The following MTA3 variants were observed in gnomAD, a reference collection of about 807,000 sequenced individuals.
MTA3 encodes the protein metastasis associated 1 family member 3, also known as metastasis-associated protein MTA3.
Under a neutral mutation model 83.5 loss-of-function variants are expected in MTA3, and 34 were observed. The ratio of observed to expected loss-of-function variants is 0.41; its 90% CI spans 0.31 to 0.54. The LOEUF (loss-of-function observed/expected upper bound fraction) is 0.54, where lower values mean the gene tolerates loss of function less well. MTA3 is among the 20% of genes least tolerant of loss of function. The pLI, the probability that MTA3 is intolerant of heterozygous loss-of-function variation, is 0.33. For missense variants in MTA3, 761 were observed against 726.4 expected (o/e 1.05, Z -0.55); for synonymous variants, 303 against 252.7 (o/e 1.20, Z -1.89).
chr2:42,618,034 T>C (rs1685117442), intron 4 of MTA3, among the ~76,000 whole-genome samples: 1 of 151,998 alleles, frequency 6.6e-6, no homozygotes, highest in African/African-American at 2.4e-5. Context: ...AGCCTCAAAC[T>C]TCTGGGCTCA....
intron 3 of MTA3, among the ~76,000 whole-genome samples, chr2:42,605,907 A>T (rs1173833530): frequency 1.4e-5 from 1 of 70,898 alleles, no homozygotes; most frequent in African/African-American, 6.0e-5. Flanking sequence ...ACTTCCCAGT[A>T]GGGGCGGCCG....
At chr2:42,708,804 C>G in intron 13 of MTA3, 70 bp from the exon 14 acceptor site, 2 of 1,515,822 alleles carry the variant, frequency 1.3e-6, no homozygotes, top group Non-Finnish European at 1.8e-6. Flanking sequence ...TTCTTTTGAG[C>G]ATGATGCAAA....
At chr2:42,690,856 T>A (rs1692823361) in intron 9 of MTA3, among the ~76,000 whole-genome samples, 1 of 136,110 alleles carries the variant, frequency 7.3e-6, no homozygotes. Context: ...TGTATTTTTA[T>A]TTTATTTATT....
chr2:42,734,884 C>G (rs1345395530), intron 16 of MTA3, among the ~76,000 whole-genome samples: 2 of 152,098 alleles, frequency 1.3e-5, no homozygotes, highest in Non-Finnish European at 2.9e-5. Context: ...CGCTTTTTAA[C>G]TTTTTGTTGT....
intron 3 of MTA3, among the ~76,000 whole-genome samples, chr2:42,597,065 C>A (rs539505578): frequency 6.6e-6 from 1 of 151,454 alleles, no homozygotes; most frequent in African/African-American, 2.4e-5. Flanking sequence ...CTGCATTGCC[C>A]GGTGAATAAT....
At chr2:42,710,925 A>G (rs2104513519) in intron 14 of MTA3, among the ~76,000 whole-genome samples, 1 of 152,136 alleles carries the variant, frequency 6.6e-6, no homozygotes. Context: ...CTAAAAATTC[A>G]AAAATTAGCC....
intron 2 of MTA3, among the ~76,000 whole-genome samples, chr2:42,515,663 C>G (rs369819505): frequency 4.6e-5 from 7 of 151,012 alleles, no homozygotes; most frequent in Non-Finnish European, 1.0e-4. Flanking sequence ...CCACCTCGCT[C>G]GGCTAATTTT....
intron 2 of MTA3, among the ~76,000 whole-genome samples, chr2:42,551,381 G>T (rs909486437): frequency 3.8e-4 from 58 of 151,988 alleles, no homozygotes; most frequent in Non-Finnish European, 4.7e-4. Context: ...AGTAGAAATG[G>T]GGTTTCACCA....
At chr2:42,718,081 A>G (rs1284399172) in intron 14 of MTA3, among the ~76,000 whole-genome samples, 2 of 135,942 alleles carry the variant, frequency 1.5e-5, no homozygotes, top group Admixed American at 7.5e-5. Flanking sequence ...TGTTTTCCAT[A>G]TTACTCTGGT....
chr2:42,513,812 G>A (rs1055523131), intron 2 of MTA3, among the ~76,000 whole-genome samples: 2 of 152,188 alleles, frequency 1.3e-5, no homozygotes, highest in East Asian at 1.9e-4. Context: ...AGGGGCAAAC[G>A]GGCTTACACC....
chr2:42,546,663 A>G (rs1458015880), intron 2 of MTA3, among the ~76,000 whole-genome samples: 1 of 152,202 alleles, frequency 6.6e-6, no homozygotes, highest in East Asian at 1.9e-4. Context: ...CAAACAAAAA[A>G]GAACTGAAAA....
chr2:42,652,638 A>AC (rs1688821005), intron 6 of MTA3, among the ~76,000 whole-genome samples: 1 of 152,026 alleles, frequency 6.6e-6, no homozygotes, highest in Non-Finnish European at 1.5e-5. Context: ...GAGCCACTGC[A>AC]CCCTGGCCTT....
chr2:42,674,087 T>C (rs1394835900), intron 8 of MTA3, among the ~76,000 whole-genome samples: 1 of 152,236 alleles, frequency 6.6e-6, no homozygotes, highest in East Asian at 1.9e-4. Context: ...ATCTGCTCCA[T>C]GTATTTCTCA....
chr2:42,600,401 T>C (rs532968628), intron 3 of MTA3, among the ~76,000 whole-genome samples: 37 of 152,274 alleles, frequency 2.4e-4, no homozygotes, highest in African/African-American at 8.9e-4. Flanking sequence ...ATTTTGTCCA[T>C]GGTAGACTAT....
At chr2:42,515,576 C>G (rs1456987010) in intron 2 of MTA3, among the ~76,000 whole-genome samples, 6 of 151,844 alleles carry the variant, frequency 4.0e-5, no homozygotes, top group Non-Finnish European at 8.8e-5. Context: ...GATCTTGGCT[C>G]ACTACAACCT....
intron 3 of MTA3, among the ~76,000 whole-genome samples, chr2:42,589,666 C>A (rs1680737015): frequency 6.6e-6 from 1 of 152,154 alleles, no homozygotes; most frequent in Admixed American, 6.6e-5. Flanking sequence ...GATTCTCCTG[C>A]CTCAGCTTCT....
intron 2 of MTA3, among the ~76,000 whole-genome samples, chr2:42,548,846 A>ATATATATATAAT (rs1553340715): frequency 0.097 from 1,454 of 14,972 alleles, 225 homozygotes; most frequent in Middle Eastern, 0.2. Context: ...ATATATATAT[A>ATATATATATAAT]ATATATATAT....
chr2:42,563,509 C>T (rs1316037214), intron 2 of MTA3, among the ~76,000 whole-genome samples: 1 of 152,074 alleles, frequency 6.6e-6, no homozygotes, highest in Non-Finnish European at 1.5e-5. Flanking sequence ...ACTTTTCGCC[C>T]AGGCTGGAGT....
intron 2 of MTA3, among the ~76,000 whole-genome samples, chr2:42,501,233 G>T (rs2103642855): frequency 6.6e-6 from 1 of 152,284 alleles, no homozygotes; most frequent in Admixed American, 6.5e-5. Context: ...CTAACAGAAG[G>T]TAAGTGTTGT....
Sources: gnomAD v4.1 joint callset for allele counts (sites outside exome capture counted in the v4.1 genomes callset) on GRCh38, gnomAD v4.1.1 for gene constraint, MANE v1.5 for transcripts, NCBI Gene and HGNC (gene_info 2026-07-23, HGNC 2026-07-21) for gene names.